Variants in NLRP8 observed in about 807,000 individuals in gnomAD.
NLRP8 encodes the protein NACHT, LRR and PYD domains-containing protein 8.
NLRP8 carries 86 observed loss-of-function variants against 88.7 expected under a neutral mutation model. The ratio of observed to expected loss-of-function variants is 0.97; its 90% CI spans 0.81 to 1.16. The LOEUF (loss-of-function observed/expected upper bound fraction) is 1.16, where lower values mean the gene tolerates loss of function less well. NLRP8 is among the 50% of genes most tolerant of loss of function. The probability of loss-of-function intolerance (pLI) is 0.00; values close to 1 mark genes in which losing one functional copy is unlikely to be tolerated. For missense variants in NLRP8, 1,342 were observed against 1,286.5 expected (o/e 1.04, Z -0.66); for synonymous variants, 504 against 494.6 (o/e 1.02, Z -0.25).
chr19:55,962,956 G>A (rs1023278484), intron 4 of NLRP8, among the ~76,000 whole-genome samples: 4 of 152,130 alleles, frequency 2.6e-5, no homozygotes, highest in African/African-American at 9.7e-5. Context: ...AGCCACGTGC[G>A]ACCTGAGCAC....
At chr19:55,958,171 T>C (rs886886510) in intron 3 of NLRP8, among the ~76,000 whole-genome samples, 1 of 152,132 alleles carries the variant, frequency 6.6e-6, no homozygotes, top group African/African-American at 2.4e-5. Context: ...AGAGGGGACA[T>C]TGTCCTTCTG....
chr19:55,973,902 A>G lies in NLRP8; in HGVS notation c.2705+80A>G, dbSNP rs1295024364. 16 of 1,389,766 alleles carry G rather than the reference A, an allele frequency of 1.2e-5. No homozygotes were observed. The Admixed American group carries it at 3.3e-4, about 29-fold the overall frequency. 86.1% of individuals were successfully genotyped at this position (1,389,766 alleles called of 1,614,324 possible). A position where few individuals can be genotyped will look rare whatever the true frequency, so the allele number is the denominator to read the frequency against. ...AAGAGAACCTGTTATATATTCATTTATGTCACATATTTATTAAGTGCCTAC... is the reference window on the plus strand; with the variant it reads ...AAGAGAACCTGTTATATATTCATTTGTGTCACATATTTATTAAGTGCCTAC... On this transcript the variant is annotated intron_variant, in intron 7 of 9. Coordinates refer to ENST00000291971, the MANE Select transcript of NLRP8 (RefSeq NM_176811.2).
Position 55,962,070 on chromosome 19 carries a change from G to A in NLRP8, c.2046G>A (p.Ala682=), listed in dbSNP as rs146017393. 6.1e-5 allele frequency: 99 copies of A among 1,613,538 alleles called. No individual in the cohort carries two copies. In the African/African-American group the frequency reaches 1.0e-3, roughly 17 times the overall value. The change falls in exon 4 of 10, where the codon GCG becomes GCA. Residue 682 remains alanine, a synonymous_variant. Coordinates refer to ENST00000291971, the MANE Select transcript of NLRP8 (RefSeq NM_176811.2). The stretch of plus-strand genomic sequence containing the variant: ...CTCTCTTCTCCCTTCCATGTAGAGC[G>A]CCAGAGAGCAATGGGCTGCATCGTT...
At chr19:55,973,606 C>CA (rs1235721789) in intron 6 of NLRP8, 46 bp from the exon 7 acceptor site, 1 of 1,523,318 alleles carries the variant, frequency 6.6e-7, no homozygotes, top group Non-Finnish European at 8.9e-7. Flanking sequence ...CTGTGTGAGA[C>CA]AAAGACCCCT....
In NLRP8 at chr19:55,976,259, G is replaced by A. The variant is rs368840561; in HGVS notation, c.2832G>A (p.Leu944=). 97 of 1,613,264 alleles carry A rather than the reference G, an allele frequency of 6.0e-5. No homozygotes were observed. Among genetic ancestry groups the A allele is most frequent in the Non-Finnish European group, 8.1e-5 (96 of 1,179,850 alleles). ...TGAAGGATGATGGGGTGATCCTGCT[G>A]TGTGAGGCCCTGAAGAACCCTGACT... The change falls in exon 8 of 10, where the codon CTG becomes CTA. Residue 944 remains leucine (L), a synonymous_variant. Coordinates refer to ENST00000291971, the MANE Select transcript of NLRP8 (RefSeq NM_176811.2).
intron 1 of NLRP8, among the ~76,000 whole-genome samples, chr19:55,948,727 T>C (rs76186406): frequency 0.034 from 5,125 of 152,272 alleles, 203 homozygotes; most frequent in African/African-American, 0.079. Flanking sequence ...TGTGAGCCAC[T>C]GTGCCCAGCC....
rs1361682588 is a variant in NLRP8 at position 55,970,712 on chromosome 19, A to AGTGGCT, written c.2534+21_2534+26dup. 4.3e-6 allele frequency: 7 copies of AGTGGCT among 1,613,514 alleles called. No homozygotes were observed. Among genetic ancestry groups the AGTGGCT allele is most frequent in the Non-Finnish European group, 5.9e-6 (7 of 1,179,796 alleles). On this transcript the variant is annotated intron_variant, in intron 6 of 9. Transcript: ENST00000291971. ...AGAGGCTGTCGTAAGTCTCCTTTCT[A>AGTGGCT]GTGGCTGTGGTTGTGGTTGTGGTTG... is the stretch of plus-strand genomic sequence containing the variant.
chr19:55,973,588 T>A, intron 6 of NLRP8, 64 bp from the exon 7 acceptor site: 1 of 1,434,562 alleles, frequency 7.0e-7, no homozygotes, highest in Non-Finnish European at 9.4e-7. Context: ...ACTGAGAAGA[T>A]CACCCTTCTG....
At chr19:55,977,221 A>G (rs8102494) in intron 8 of NLRP8, among the ~76,000 whole-genome samples, 11 of 144,284 alleles carry the variant, frequency 7.6e-5, no homozygotes, top group South Asian at 6.4e-4. Flanking sequence ...ATACATATAT[A>G]TATATATGTA....
At chr19:55,956,227 C>T in intron 3 of NLRP8, 127 bp downstream of exon 3, 1 of 944,454 alleles carries the variant, frequency 1.1e-6, no homozygotes, top group South Asian at 1.8e-5. Context: ...TTGCACAGTA[C>T]TTCTGTTGCT....
intron 9 of NLRP8, among the ~76,000 whole-genome samples, chr19:55,983,694 A>T (rs1380876218): frequency 6.6e-6 from 1 of 151,794 alleles, no homozygotes; most frequent in Non-Finnish European, 1.5e-5. Flanking sequence ...AGACAAATGG[A>T]TATCATGTGC....
chr19:55,952,113 G>A (rs1281082526), intron 1 of NLRP8, among the ~76,000 whole-genome samples: 1 of 152,060 alleles, frequency 6.6e-6, no homozygotes, highest in Non-Finnish European at 1.5e-5. Context: ...TTTAGTTTAT[G>A]TTCCATCCTC....
intron 3 of NLRP8, among the ~76,000 whole-genome samples, chr19:55,957,856 C>G (rs1413857770): frequency 1.3e-5 from 2 of 151,918 alleles, no homozygotes; most frequent in East Asian, 3.9e-4. Flanking sequence ...CAAAACTCTT[C>G]CAGAAGATCT....
intron 4 of NLRP8, among the ~76,000 whole-genome samples, chr19:55,962,729 T>C (rs1179932586): frequency 6.6e-6 from 1 of 152,094 alleles, no homozygotes; most frequent in Non-Finnish European, 1.5e-5. Context: ...GCAGTGATGT[T>C]GAGCCATGAT....
rs567601537 is a variant in NLRP8 at position 55,953,173 on chromosome 19, G to A, written c.442+561G>A. On this transcript the variant is annotated intron_variant, in intron 2 of 9. Coordinates refer to ENST00000291971, the MANE Select transcript of NLRP8 (RefSeq NM_176811.2). ...TTCTCATAGGAGTGCAAACCCTCTC[G>A]TGAACTGTGCATGCGAGGGATCTAG... Among the ~76,000 whole-genome samples the A allele has an allele frequency of 9.0e-4, 137 of 152,136 alleles. 1 individual carries two copies. The highest frequency in any genetic ancestry group is 3.1e-3 in the African/African-American group (128 of 41,514).
chr19:55,984,554 T>C (rs1452127948), intron 9 of NLRP8, among the ~76,000 whole-genome samples: 2 of 149,410 alleles, frequency 1.3e-5, no homozygotes, highest in Admixed American at 6.8e-5. Context: ...CTTTTGAGGC[T>C]GAGGCAGGAG....
At chr19:55,950,387 C>G (rs1380061872) in intron 1 of NLRP8, among the ~76,000 whole-genome samples, 1 of 152,028 alleles carries the variant, frequency 6.6e-6, no homozygotes, top group East Asian at 1.9e-4. Context: ...CCACTGCACT[C>G]CAGCCTGGGT....
intron 9 of NLRP8, among the ~76,000 whole-genome samples, chr19:55,983,558 G>C (rs761641866): frequency 1.3e-5 from 2 of 151,142 alleles, no homozygotes; most frequent in Admixed American, 6.6e-5. Context: ...ATGGAGACTC[G>C]ATGTACTCAC....
At chr19:55,983,818 C>CAAAAAAAAAAAAAAA in intron 9 of NLRP8, among the ~76,000 whole-genome samples, 1 of 84,656 alleles carries the variant, frequency 1.2e-5, no homozygotes, top group Non-Finnish European at 2.2e-5. Flanking sequence ...CTAGTAGATG[C>CAAAAAAAAAAAAAAA]AAAAAAAAAA....
Sources: allele counts gnomAD v4.1 joint callset (sites outside exome capture counted in the v4.1 genomes callset), GRCh38; gene constraint gnomAD v4.1.1; transcripts MANE v1.5; gene names NCBI Gene and HGNC (gene_info 2026-07-23, HGNC 2026-07-21).